The following GLI2 variants were observed in gnomAD, a reference collection of about 807,000 sequenced individuals.
GLI2 encodes GLI family zinc finger 2, also known as transcription activator GLI2.
GLI2 carries 22 observed loss-of-function variants against 78.9 expected under a neutral mutation model. That is an observed-to-expected ratio of 0.28 (90% CI 0.20 to 0.40). The LOEUF is 0.40. GLI2 is among the 10% of genes least tolerant of loss of function. The probability of loss-of-function intolerance (pLI) is 1.00; values close to 1 mark genes in which losing one functional copy is unlikely to be tolerated. For missense variants in GLI2, 2,097 were observed against 2,213.2 expected (o/e 0.95, Z 1.05); for synonymous variants, 974 against 963.7 (o/e 1.01, Z -0.20).
Position 120,880,976 on chromosome 2 carries a change from C to T in GLI2, c.149-46385C>T, listed in dbSNP as rs547244625. Among the ~76,000 whole-genome samples, 4 of 152,326 alleles carry T rather than the reference C, an allele frequency of 2.6e-5. No individual in the cohort carries two copies. The South Asian group carries it at 6.2e-4, about 24-fold the overall frequency. ...TTTGTCTTTCTTATTTGCCATCCTT[C>T]GAAGGCAGCACCCCCTGTTACCATG... On this transcript the variant is annotated intron_variant, in intron 2 of 13. Transcript: ENST00000361492.
intron 2 of GLI2, among the ~76,000 whole-genome samples, chr2:120,805,660 G>A (rs6759296): frequency 2.0e-5 from 3 of 152,320 alleles, no homozygotes; most frequent in Non-Finnish European, 4.4e-5. Flanking sequence ...AACCAATTCC[G>A]CAGGAACATT....
chr2:120,990,642 C>T lies in GLI2; in HGVS notation c.4677C>T (p.Ala1559=), dbSNP rs762886402. The T allele has an allele frequency of 4.0e-5, 65 of 1,612,844 alleles. No individual in the cohort carries two copies. The East Asian group carries it at 8.9e-4, about 22-fold the overall frequency. Residue 1559 remains alanine (A), a synonymous_variant, in exon 14 of 14, where the codon GCC becomes GCT. Coordinates refer to ENST00000361492, the MANE Select transcript of GLI2 (RefSeq NM_001374353.1). ...TGAGCTCCATGCTCACCAGCCTCGCCGAGGAGAGCAAGTTCCTGAACATGA... is the reference window on the plus strand; with the variant it reads ...TGAGCTCCATGCTCACCAGCCTCGCTGAGGAGAGCAAGTTCCTGAACATGA... The part of the protein sequence containing the change: ...GDMSSMLTSL[A]EESKFLNMMT
chr2:120,975,931 G>A (rs181652774), intron 9 of GLI2, among the ~76,000 whole-genome samples: 53 of 152,266 alleles, frequency 3.5e-4, no homozygotes, highest in Middle Eastern at 3.4e-3. Flanking sequence ...CCCACAGGAG[G>A]GTCAATCATG....
intron 2 of GLI2, among the ~76,000 whole-genome samples, chr2:120,834,055 G>A (rs1056432428): frequency 3.3e-5 from 5 of 152,026 alleles, no homozygotes; most frequent in African/African-American, 1.2e-4. Context: ...TCAGTCCCCC[G>A]CCCCCAACCG....
chr2:120,961,949 G>C (rs11899063), intron 5 of GLI2, among the ~76,000 whole-genome samples: 11,085 of 152,228 alleles, frequency 0.073, 1,311 homozygotes, highest in African/African-American at 0.25. Context: ...CACAGAGAAG[G>C]CTCCTGGGAC....
chr2:120,870,527 A>G (rs1688372182), intron 2 of GLI2, among the ~76,000 whole-genome samples: 1 of 152,114 alleles, frequency 6.6e-6, no homozygotes, highest in Non-Finnish European at 1.5e-5. Flanking sequence ...GGTGAAAGAG[A>G]TTGGAGTATG....
At chr2:120,881,542 G>T in intron 2 of GLI2, among the ~76,000 whole-genome samples, 2 of 140,644 alleles carry the variant, frequency 1.4e-5, no homozygotes, top group Non-Finnish European at 3.1e-5. Flanking sequence ...GAGGACAGTG[G>T]GGGAAAGACA....
intron 5 of GLI2, among the ~76,000 whole-genome samples, chr2:120,961,795 C>T (rs1040043549): frequency 1.3e-5 from 2 of 152,178 alleles, no homozygotes; most frequent in African/African-American, 4.8e-5. Flanking sequence ...TCAGGGTACC[C>T]GAGCCCCACC....
At chr2:120,797,161 C>G in intron 1 of GLI2, 130 bp from the exon 2 acceptor site, 1 of 739,196 alleles carries the variant, frequency 1.4e-6, no homozygotes, top group South Asian at 1.5e-5. Flanking sequence ...ATTAAACCCT[C>G]CTTCCCAATT....
intron 2 of GLI2, among the ~76,000 whole-genome samples, chr2:120,816,348 A>G (rs1224522673): frequency 1.3e-5 from 2 of 152,110 alleles, no homozygotes; most frequent in African/African-American, 2.4e-5. Context: ...GGTGCGTGCC[A>G]TCATGCCCGG....
chr2:120,968,580 C>T, intron 5 of GLI2, 134 bp from the exon 6 acceptor site: 1 of 739,006 alleles, frequency 1.4e-6, no homozygotes, highest in Non-Finnish European at 2.4e-6. Context: ...GCCCAAGAGC[C>T]CACAGCTGGA....
At chr2:120,786,833 C>G (rs1684011561) in intron 1 of GLI2, among the ~76,000 whole-genome samples, 1 of 152,188 alleles carries the variant, frequency 6.6e-6, no homozygotes. Context: ...CCAGCCCTCC[C>G]TTAAAGGTGC....
chr2:120,797,894 G>C (rs1341858576), intron 2 of GLI2, among the ~76,000 whole-genome samples: 2 of 152,216 alleles, frequency 1.3e-5, no homozygotes, highest in South Asian at 2.1e-4. Context: ...GCTCTAATTA[G>C]AGGGTCAGGT....
rs1438734844 is a variant in GLI2, at chr2:120,988,572, G to A, written c.2607G>A (p.Gln869=). The part of the protein sequence containing the change: ...SGLLNLTPAQ[Q]YSLRAKYAAA... Reference sequence around the variant, plus strand: ...TGCTCAACCTCACGCCGGCGCAGCAGTACAGCCTGCGGGCCAAGTACGCGG... The same window carrying A: ...TGCTCAACCTCACGCCGGCGCAGCAATACAGCCTGCGGGCCAAGTACGCGG... Residue 869 remains glutamine (Q), a synonymous_variant, in exon 14 of 14, where the codon CAG becomes CAA. Transcript: ENST00000361492. 2 of 1,496,508 alleles carry A rather than the reference G, an allele frequency of 1.3e-6. No individual in the cohort carries two copies. Among genetic ancestry groups the A allele is most frequent in the South Asian group, 1.2e-5 (1 of 80,574 alleles). The allele number at this position is 1,496,508 out of a possible 1,614,324, so 92.7% of individuals were successfully genotyped here. A position where few individuals can be genotyped will look rare whatever the true frequency, so the allele number is the denominator to read the frequency against.
intron 2 of GLI2, among the ~76,000 whole-genome samples, chr2:120,871,949 A>C (rs1041573525): frequency 2.6e-5 from 4 of 152,204 alleles, no homozygotes; most frequent in African/African-American, 4.8e-5. Context: ...GGCCCTTCCC[A>C]GGGTGAGCAT....
intron 8 of GLI2, among the ~76,000 whole-genome samples, chr2:120,973,740 G>GT (rs1210932822): frequency 2.6e-5 from 4 of 152,208 alleles, no homozygotes; most frequent in African/African-American, 9.7e-5. Context: ...ACGACATGTT[G>GT]TTGCTTTCCT....
intron 1 of GLI2, among the ~76,000 whole-genome samples, chr2:120,745,935 A>G (rs1173422630): frequency 1.3e-5 from 2 of 152,150 alleles, no homozygotes; most frequent in Non-Finnish European, 2.9e-5. Flanking sequence ...CCCCGTGAGA[A>G]GGGAGGTGGG....
chr2:120,739,632 G>A (rs1206367445), intron 1 of GLI2, among the ~76,000 whole-genome samples: 3 of 152,258 alleles, frequency 2.0e-5, no homozygotes, highest in Non-Finnish European at 4.4e-5. Context: ...GCCAGGCCAG[G>A]TGGACCTCGC....
At chr2:120,736,362 G>GGGATGCTGCGCCGTCTC (rs1300236579) in intron 1 of GLI2, 77 bp downstream of exon 1, 1 of 152,074 alleles carries the variant, frequency 6.6e-6, no homozygotes, top group African/African-American at 2.4e-5. Flanking sequence ...CGGGCCGACT[G>GGGATGCTGCGCCGTCTC]GGATGCTGCG....
Sources: gnomAD v4.1 joint callset for allele counts (sites outside exome capture counted in the v4.1 genomes callset) on GRCh38, gnomAD v4.1.1 for gene constraint, MANE v1.5 for transcripts, NCBI Gene and HGNC (gene_info 2026-07-23, HGNC 2026-07-21) for gene names.